Variants in PPP4R3B observed in about 807,000 individuals in gnomAD.
PPP4R3B encodes the protein serine/threonine-protein phosphatase 4 regulatory subunit 3B.
In PPP4R3B, 52 loss-of-function variants were observed where a neutral mutation model predicts 95.4. That is an observed-to-expected ratio of 0.54 (90% CI 0.44 to 0.69). The LOEUF (loss-of-function observed/expected upper bound fraction) is 0.69. PPP4R3B is among the 30% of genes least tolerant of loss of function. PPP4R3B has a pLI of 0.00. For synonymous variants in PPP4R3B, 407 were observed against 343.9 expected (o/e 1.18, Z -2.03); for missense variants, 1,003 against 1,005.9 (o/e 1.00, Z 0.04).
intron 4 of PPP4R3B, 94 bp from the exon 5 acceptor site, chr2:55,589,050 AAGT>A: frequency 1.3e-6 from 1 of 784,058 alleles, no homozygotes. Context: ...AATAGTTGAC[AAGT>A]AGTATTTTCA....
intron 8 of PPP4R3B, among the ~76,000 whole-genome samples, chr2:55,580,831 T>A (rs1276221611): frequency 6.6e-6 from 1 of 152,214 alleles, no homozygotes. Flanking sequence ...CTGGAGTATC[T>A]AATCCTTAAG....
chr2:55,605,992 C>T (rs1693336214), intron 2 of PPP4R3B, among the ~76,000 whole-genome samples: 1 of 151,524 alleles, frequency 6.6e-6, no homozygotes, highest in African/African-American at 2.4e-5. Context: ...ACCAGAAACC[C>T]TTCTACAAAC....
chr2:55,613,038 G>C (rs531117021), intron 2 of PPP4R3B, among the ~76,000 whole-genome samples: 4 of 152,192 alleles, frequency 2.6e-5, no homozygotes, highest in African/African-American at 9.6e-5. Context: ...TTGAGCCCAG[G>C]AGGTTGAGGC....
At chr2:55,602,090 G>A (rs1692700681) in intron 3 of PPP4R3B, among the ~76,000 whole-genome samples, 1 of 152,148 alleles carries the variant, frequency 6.6e-6, no homozygotes, top group Non-Finnish European at 1.5e-5. Flanking sequence ...TTATGATAAG[G>A]TACAATCTGC....
chr2:55,593,696 G>A (rs112059837), intron 4 of PPP4R3B, among the ~76,000 whole-genome samples: 13 of 152,138 alleles, frequency 8.5e-5, no homozygotes, highest in African/African-American at 3.1e-4. Context: ...CTTGAGGCCA[G>A]GTAAGAACAG....
At chr2:55,572,342 C>T (rs1277468904) in intron 12 of PPP4R3B, among the ~76,000 whole-genome samples, 1 of 152,060 alleles carries the variant, frequency 6.6e-6, no homozygotes, top group Non-Finnish European at 1.5e-5. Context: ...AAGGCAAAGA[C>T]AAAAGACAAT....
At position 55,568,305 on chromosome 2, in the gene PPP4R3B, G is replaced by A. The variant is rs967563826; in HGVS notation, c.1824C>T (p.Tyr608=). 3.1e-6 allele frequency: 5 copies of A among 1,609,222 alleles called. No individual in the cohort carries two copies. The highest frequency in any genetic ancestry group is 2.7e-5 in the African/African-American group (2 of 74,762). The change falls in exon 13 of 17, where the codon TAC becomes TAT. Residue 608 remains tyrosine, a synonymous_variant. Coordinates refer to ENST00000616407, the MANE Select transcript of PPP4R3B (RefSeq NM_001122964.3). ...GCTCAAAAAGATTTCCCTTGGTGAT[G>A]TAACGATTATAAAATTCATCTTTAA... The part of the protein sequence containing the change: ...IGLKDEFYNR[Y]ITKGNLFEPV...
chr2:55,600,618 A>ACATATTCAGCAACATGC (rs1692432775), intron 3 of PPP4R3B, among the ~76,000 whole-genome samples: 1 of 152,102 alleles, frequency 6.6e-6, no homozygotes, highest in Non-Finnish European at 1.5e-5. Flanking sequence ...AAAACTAAAT[A>ACATATTCAGCAACATGC]CATATTCAGC....
intron 5 of PPP4R3B, 93 bp downstream of exon 5, chr2:55,588,786 C>A: frequency 5.8e-6 from 4 of 695,010 alleles, no homozygotes; most frequent in South Asian, 2.2e-5. Context: ...AATCTAATTA[C>A]AAAAAATTGT....
chr2:55,581,574 G>A lies in PPP4R3B; in HGVS notation c.1358C>T (p.Thr453Ile). 6.2e-7 allele frequency: 1 copy of A among 1,611,176 alleles called. No homozygotes were observed. Residue 453 changes from threonine (T) to isoleucine (I), a missense_variant, in exon 8 of 17, where the codon ACA becomes ATA. Physicochemically the swap from Thr to Ile is moderately conservative, Grantham distance 89. Around this residue, in one of 3 missense-constraint regions of PPP4R3B, gnomAD observed 695 missense variants for 686.2 expected, o/e 1.01. Transcript: ENST00000616407. ...TLIDPENMLA[T>I]TNKTEKSEFL... is the part of the protein sequence containing the mutation. ...CTCAGAGTAATTTCTTACATTAGTT[G>A]TAGCCAGCATGTTCTCTGGATCAAT... is the stretch of plus-strand genomic sequence containing the variant.
chr2:55,561,398 C>T lies in PPP4R3B; in HGVS notation c.2261-2430G>A, dbSNP rs147844833. Among the ~76,000 whole-genome samples the T allele has an allele frequency of 7.5e-3, 1,137 of 152,320 alleles. 19 individuals carry two copies. The highest frequency in any genetic ancestry group is 0.026 in the African/African-American group (1,089 of 41,586). ...GAAGGGAAATGTGAGGTTGGAGCCC[C>T]CACATAGAGTCCCCACTGGGATACT... On this transcript the variant is annotated intron_variant, in intron 15 of 16. Coordinates refer to ENST00000616407, the MANE Select transcript of PPP4R3B (RefSeq NM_001122964.3).
intron 12 of PPP4R3B, among the ~76,000 whole-genome samples, chr2:55,573,187 T>A (rs1196421872): frequency 6.6e-6 from 1 of 152,154 alleles, no homozygotes; most frequent in African/African-American, 2.4e-5. Flanking sequence ...ACAAAGTACT[T>A]TTCATTTGGA....
At chr2:55,564,198 A>G (rs901226888) in intron 15 of PPP4R3B, 115 bp downstream of exon 15, 2 of 761,574 alleles carry the variant, frequency 2.6e-6, no homozygotes, top group African/African-American at 3.6e-5. Context: ...ACAGTTTGGT[A>G]TAAAATTTTT....
intron 7 of PPP4R3B, among the ~76,000 whole-genome samples, chr2:55,584,168 G>A (rs565130945): frequency 9.2e-5 from 14 of 151,938 alleles, no homozygotes; most frequent in African/African-American, 3.4e-4. Context: ...AAAACAAAAA[G>A]GAAGACAATT....
In PPP4R3B at chr2:55,603,985, AT is replaced by A; in HGVS notation, c.289del (p.Ile97PhefsTer35). On this transcript the variant is annotated frameshift_variant, in exon 3 of 17. Coordinates refer to ENST00000616407, the MANE Select transcript of PPP4R3B (RefSeq NM_001122964.3). LOFTEE classifies it high-confidence loss of function. ...KAGCDEIWEK[I>X]CQVQGKDPSV... is the part of the protein sequence containing the mutation. ...TTATAAAAAGAAACTTACCTGACAA[AT>A]TTTTTCCCAGATCTCATCACAGCCA... The A allele has an allele frequency of 6.3e-7, 1 of 1,598,052 alleles. No individual in the cohort carries two copies. Among genetic ancestry groups the A allele is most frequent in the Admixed American group, 1.8e-5 (1 of 56,598 alleles).
chr2:55,578,150 T>C (rs559198864), intron 10 of PPP4R3B, 97 bp downstream of exon 10: 204 of 1,186,346 alleles, frequency 1.7e-4, no homozygotes, highest in Admixed American at 5.1e-4. Flanking sequence ...AGACATTAAA[T>C]TTATAGCAAC....
intron 15 of PPP4R3B, among the ~76,000 whole-genome samples, chr2:55,560,265 C>G (rs1686411865): frequency 6.6e-6 from 1 of 152,124 alleles, no homozygotes; most frequent in Admixed American, 6.6e-5. Flanking sequence ...TGGTTTTGAC[C>G]AAAATGCTAA....
intron 2 of PPP4R3B, among the ~76,000 whole-genome samples, chr2:55,613,030 G>C (rs983464815): frequency 6.6e-6 from 1 of 152,010 alleles, no homozygotes; most frequent in East Asian, 1.9e-4. Context: ...AGGATCGCTT[G>C]AGCCCAGGAG....
At chr2:55,582,386 T>C (rs1395560851) in intron 7 of PPP4R3B, among the ~76,000 whole-genome samples, 1 of 152,152 alleles carries the variant, frequency 6.6e-6, no homozygotes. Flanking sequence ...CTTTAGTAGC[T>C]GGGATTAAAG....
Sources: allele counts gnomAD v4.1 joint callset (sites outside exome capture counted in the v4.1 genomes callset), GRCh38; gene constraint gnomAD v4.1.1; regional missense constraint gnomAD v4.1.1; transcripts MANE v1.5; gene names NCBI Gene and HGNC (gene_info 2026-07-23, HGNC 2026-07-21).